GRID2: variants seen among roughly 807,000 people sequenced by gnomAD.
GRID2 encodes glutamate receptor ionotropic, delta-2.
A neutral mutation model predicts 114.8 loss-of-function variants in GRID2; 33 were observed. That is an observed-to-expected ratio of 0.29 (90% CI 0.22 to 0.38). The LOEUF (loss-of-function observed/expected upper bound fraction) is 0.38. Ranked by LOEUF, GRID2 falls within the 10% of genes least tolerant of loss-of-function variation. GRID2 has a pLI of 1.00. For missense variants in GRID2, 1,184 were observed against 1,257.7 expected (o/e 0.94, Z 0.89); for synonymous variants, 505 against 449.9 (o/e 1.12, Z -1.55).
At chr4:93,608,891 A>T (rs935107364) in intron 13 of GRID2, among the ~76,000 whole-genome samples, 4 of 131,688 alleles carry the variant, frequency 3.0e-5, no homozygotes, top group African/African-American at 1.1e-4. Context: ...CGCCACACTG[A>T]CTTCCACAAT....
rs764747086 is a variant in GRID2 at position 93,238,388 on chromosome 4, G to T, written c.1143G>T (p.Leu381Phe). The T allele has an allele frequency of 1.2e-6, 2 of 1,605,776 alleles. No individual in the cohort carries two copies. The highest frequency in any genetic ancestry group is 3.3e-5 in the Admixed American group (2 of 59,768). Reference protein sequence around the residue: ...ETIKKGGVSGLTGELEFGENG... With the variant: ...ETIKKGGVSGFTGELEFGENG... ...TCCTTTAGGGTGGAGTTAGTGGGTT[G>T]ACTGGAGAGCTAGAATTTGGAGAAA... Residue 381 changes from leucine to phenylalanine, a missense_variant, in exon 8 of 16, where the codon TTG becomes TTT. Coordinates refer to ENST00000282020, the MANE Select transcript of GRID2 (RefSeq NM_001510.4).
At chr4:92,654,870 T>G (rs373305904) in intron 2 of GRID2, among the ~76,000 whole-genome samples, 28 of 152,048 alleles carry the variant, frequency 1.8e-4, no homozygotes, top group African/African-American at 6.5e-4. Context: ...TTCTGTTGAT[T>G]GTTTCTTTTG....
intron 4 of GRID2, among the ~76,000 whole-genome samples, chr4:93,185,326 G>GT (rs1318824144): frequency 2.6e-5 from 4 of 152,054 alleles, no homozygotes; most frequent in Non-Finnish European, 4.4e-5. Flanking sequence ...TAAAATAGTG[G>GT]TTCCCCTAAG....
At chr4:92,450,870 T>C (rs1720887690) in intron 1 of GRID2, among the ~76,000 whole-genome samples, 1 of 147,358 alleles carries the variant, frequency 6.8e-6, no homozygotes, top group African/African-American at 2.5e-5. Flanking sequence ...ATTTAATTTT[T>C]AAATAAGTTT....
intron 2 of GRID2, among the ~76,000 whole-genome samples, chr4:92,767,907 C>T (rs540949060): frequency 1.7e-4 from 25 of 150,228 alleles, no homozygotes; most frequent in African/African-American, 5.6e-4. Flanking sequence ...ACATAGTGAG[C>T]CATCATCTCA....
At chr4:92,310,589 C>A (rs1725646576) in intron 1 of GRID2, among the ~76,000 whole-genome samples, 1 of 151,644 alleles carries the variant, frequency 6.6e-6, no homozygotes, top group South Asian at 2.1e-4. Flanking sequence ...AACATATGGG[C>A]AATGTTAAGG....
intron 2 of GRID2, among the ~76,000 whole-genome samples, chr4:92,681,777 A>G (rs940257975): frequency 3.3e-5 from 5 of 152,200 alleles, no homozygotes; most frequent in African/African-American, 1.2e-4. Context: ...GAAAAAGAGA[A>G]AAACAATAGA....
At chr4:92,708,753 C>A (rs1277523219) in intron 2 of GRID2, among the ~76,000 whole-genome samples, 1 of 152,060 alleles carries the variant, frequency 6.6e-6, no homozygotes, top group African/African-American at 2.4e-5. Context: ...ATGGTGAAAT[C>A]CCGTTTCTAC....
intron 13 of GRID2, among the ~76,000 whole-genome samples, chr4:93,531,872 C>T (rs1015721701): frequency 1.3e-5 from 2 of 151,332 alleles, no homozygotes; most frequent in Non-Finnish European, 2.9e-5. Context: ...TTTATTTTTC[C>T]CTATTAGAAT....
intron 2 of GRID2, among the ~76,000 whole-genome samples, chr4:92,634,732 AT>A (rs1560501743): frequency 7.1e-6 from 1 of 141,390 alleles, no homozygotes; most frequent in Non-Finnish European, 1.5e-5. Context: ...TATTAGAAAC[AT>A]TTCTTTTTTT....
At position 92,931,377 on chromosome 4, in the gene GRID2, G is replaced by T. The variant is rs76792884; in HGVS notation, c.245-153618G>T. 7.6e-3 allele frequency among the ~76,000 whole-genome samples: 1,150 copies of T among 150,922 alleles called. 18 individuals are homozygous for T. The highest frequency in any genetic ancestry group is 0.026 in the African/African-American group (1,088 of 41,348). On this transcript the variant is annotated intron_variant, in intron 2 of 15. Transcript: ENST00000282020. Reference sequence around the variant, plus strand: ...AAACCTTACAGCTAGCTAATTTATTGTTACAGATGAATCACTGAATACTTA... The same window carrying T: ...AAACCTTACAGCTAGCTAATTTATTTTTACAGATGAATCACTGAATACTTA...
intron 1 of GRID2, among the ~76,000 whole-genome samples, chr4:92,490,478 G>C (rs1304519482): frequency 6.6e-6 from 1 of 152,114 alleles, no homozygotes; most frequent in Non-Finnish European, 1.5e-5. Context: ...ATGGACAAAT[G>C]CTTTATTGAA....
chr4:92,317,857 G>C (rs1430980658), intron 1 of GRID2, among the ~76,000 whole-genome samples: 1 of 152,122 alleles, frequency 6.6e-6, no homozygotes, highest in African/African-American at 2.4e-5. Context: ...CTGCCCTCCA[G>C]GGGTAATGCT....
At chr4:93,102,606 T>C (rs1449343213) in intron 3 of GRID2, among the ~76,000 whole-genome samples, 1 of 151,826 alleles carries the variant, frequency 6.6e-6, no homozygotes, top group Non-Finnish European at 1.5e-5. Context: ...CCAGGACACA[T>C]GACCATCCAG....
chr4:93,176,920 C>T (rs966065061), intron 4 of GRID2, among the ~76,000 whole-genome samples: 13 of 152,012 alleles, frequency 8.6e-5, no homozygotes, highest in African/African-American at 2.7e-4. Context: ...TGTGTATTTC[C>T]GGAGTGAGGG....
chr4:93,658,530 G>C (rs1723214569), intron 14 of GRID2, among the ~76,000 whole-genome samples: 1 of 152,146 alleles, frequency 6.6e-6, no homozygotes, highest in African/African-American at 2.4e-5. Context: ...CAGAGGTTAA[G>C]TGACTTAAGT....
At chr4:92,935,478 G>T (rs1304447510) in intron 2 of GRID2, among the ~76,000 whole-genome samples, 1 of 146,132 alleles carries the variant, frequency 6.8e-6, no homozygotes, top group South Asian at 2.3e-4. Flanking sequence ...TCAGTGTGGC[G>T]CTTCCTCAGG....
intron 1 of GRID2, among the ~76,000 whole-genome samples, chr4:92,466,717 T>A (rs1721768026): frequency 6.6e-6 from 1 of 151,810 alleles, no homozygotes; most frequent in Non-Finnish European, 1.5e-5. Flanking sequence ...ACACAGTTAT[T>A]TAGGTGATTA....
At chr4:93,138,726 G>A (rs1275858546) in intron 4 of GRID2, among the ~76,000 whole-genome samples, 1 of 152,146 alleles carries the variant, frequency 6.6e-6, no homozygotes, top group Non-Finnish European at 1.5e-5. Flanking sequence ...CTTTCTTAAA[G>A]TATTTGTGAG....
Sources: allele counts gnomAD v4.1 joint callset (sites outside exome capture counted in the v4.1 genomes callset), GRCh38; gene constraint gnomAD v4.1.1; transcripts MANE v1.5; gene names NCBI Gene and HGNC (gene_info 2026-07-23, HGNC 2026-07-21).